INSR: variants seen among roughly 807,000 people sequenced by gnomAD.
The protein encoded by INSR is insulin receptor.
A neutral mutation model predicts 142.6 loss-of-function variants in INSR; 67 were observed. That is an observed-to-expected ratio of 0.47 (90% CI 0.39 to 0.58). The LOEUF (loss-of-function observed/expected upper bound fraction) is 0.58, where lower values mean the gene tolerates loss of function less well. INSR is among the 20% of genes least tolerant of loss of function. The probability of loss-of-function intolerance (pLI) is 0.00; values close to 1 mark genes in which losing one functional copy is unlikely to be tolerated. For missense variants in INSR, 1,248 were observed against 1,833.2 expected, an observed-to-expected ratio of 0.68 and a Z score of 5.83; for synonymous variants, 756 against 743.1, an observed-to-expected ratio of 1.02 and a Z score of -0.28.
At chr19:7,226,413 G>GAA (rs71177176) in intron 2 of INSR, among the ~76,000 whole-genome samples, 1 of 89,644 alleles carries the variant, frequency 1.1e-5, no homozygotes. Context: ...CGTCTCAAGG[G>GAA]AAAAAAAAAA....
intron 2 of INSR, among the ~76,000 whole-genome samples, chr19:7,186,658 C>A (rs1025967915): frequency 1.3e-5 from 2 of 152,116 alleles, no homozygotes; most frequent in African/African-American, 4.8e-5. Flanking sequence ...TCATCCTCCT[C>A]CCCAACTCCT....
intron 13 of INSR, among the ~76,000 whole-genome samples, chr19:7,135,053 A>AG (rs1192066640): frequency 8.3e-5 from 11 of 132,666 alleles, no homozygotes; most frequent in African/African-American, 2.8e-4. Flanking sequence ...TGGAACATTT[A>AG]GGAGGGGGGT....
At chr19:7,198,139 C>T (rs1355791302) in intron 2 of INSR, among the ~76,000 whole-genome samples, 1 of 151,894 alleles carries the variant, frequency 6.6e-6, no homozygotes, top group Admixed American at 6.6e-5. Flanking sequence ...AGCCGGAGGC[C>T]TCAGCGCAGC....
chr19:7,222,933 A>C (rs994800971), intron 2 of INSR, among the ~76,000 whole-genome samples: 1 of 152,184 alleles, frequency 6.6e-6, no homozygotes, highest in African/African-American at 2.4e-5. Context: ...CTGTAATGCC[A>C]GCACTTTGGG....
At chr19:7,218,246 G>T (rs557311691) in intron 2 of INSR, among the ~76,000 whole-genome samples, 4 of 152,072 alleles carry the variant, frequency 2.6e-5, no homozygotes, top group Admixed American at 6.6e-5. Flanking sequence ...GGTATCTAGT[G>T]GGGGGAGGCC....
intron 2 of INSR, among the ~76,000 whole-genome samples, chr19:7,213,243 C>T (rs1342334159): frequency 6.7e-6 from 1 of 149,500 alleles, no homozygotes; most frequent in Non-Finnish European, 1.5e-5. Context: ...ACTTGGCAGG[C>T]TGAGGCAGGA....
At chr19:7,213,256 A>G (rs1315304541) in intron 2 of INSR, among the ~76,000 whole-genome samples, 2 of 150,516 alleles carry the variant, frequency 1.3e-5, no homozygotes, top group African/African-American at 4.9e-5. Context: ...AGGCAGGAGA[A>G]TCGCTTGAAC....
intron 19 of INSR, 84 bp from the exon 20 acceptor site, chr19:7,120,833 A>C (rs1972473951): frequency 6.4e-7 from 1 of 1,562,298 alleles, no homozygotes; most frequent in Non-Finnish European, 8.7e-7. Flanking sequence ...CCTCTCACAG[A>C]GCCCTAAGAG....
chr19:7,164,396 T>C (rs1435509552), intron 8 of INSR, among the ~76,000 whole-genome samples: 1 of 151,906 alleles, frequency 6.6e-6, no homozygotes, highest in Non-Finnish European at 1.5e-5. Flanking sequence ...TACAAAAATA[T>C]AATTAGGCCG....
chr19:7,151,164 CTT>C (rs1491539074), intron 10 of INSR, among the ~76,000 whole-genome samples: 185 of 5,090 alleles, frequency 0.036, 5 homozygotes, highest in African/African-American at 0.055. Context: ...CTTTCTTTCT[CTT>C]TCTTTCTTTC....
At chr19:7,151,124 TTC>T (rs1973329056) in intron 10 of INSR, among the ~76,000 whole-genome samples, 2 of 140,460 alleles carry the variant, frequency 1.4e-5, no homozygotes, top group South Asian at 4.9e-4. Context: ...CCCCCTTCCT[TTC>T]TCTGTCCTTT....
At chr19:7,221,096 G>C (rs111273490) in intron 2 of INSR, among the ~76,000 whole-genome samples, 23 of 152,296 alleles carry the variant, frequency 1.5e-4, no homozygotes, top group African/African-American at 5.5e-4. Flanking sequence ...TCACCAGGCC[G>C]AGCGCAGTGG....
intron 1 of INSR, among the ~76,000 whole-genome samples, chr19:7,288,322 T>G (rs1968398199): frequency 6.6e-6 from 1 of 151,854 alleles, no homozygotes; most frequent in Non-Finnish European, 1.5e-5. Flanking sequence ...GCAACATAGC[T>G]AGACTCTGTC....
Position 7,293,853 on chromosome 19 carries a change from C to CGCGGCCACCGCCACCAGCAGG in INSR, c.38_39insCCTGCTGGTGGCGGTGGCCGC (p.Val16_Leu22dup), listed in dbSNP as rs1568243573. 2.1e-5 allele frequency: 26 copies of CGCGGCCACCGCCACCAGCAGG among 1,254,156 alleles called. No homozygotes were observed. Among genetic ancestry groups the CGCGGCCACCGCCACCAGCAGG allele is most frequent in the Non-Finnish European group, 2.6e-5 (26 of 1,006,086 alleles). 77.7% of individuals were successfully genotyped at this position (1,254,156 alleles called of 1,614,324 possible). A position where few individuals can be genotyped will look rare whatever the true frequency, so the allele number is the denominator to read the frequency against. On this transcript the variant is annotated inframe_insertion, in exon 1 of 22. Coordinates refer to ENST00000302850, the MANE Select transcript of INSR (RefSeq NM_000208.4). ...GCAGCGCGGCCACCGCCACCAGCAG[C>CGCGGCCACCGCCACCAGCAGG]GGCGCGGCCGCCGCCCCCCGCCGGC... is the stretch of plus-strand genomic sequence containing the variant.
chr19:7,251,417 C>G lies in INSR; in HGVS notation c.652+15928G>C, dbSNP rs564318456. On this transcript the variant is annotated intron_variant, in intron 2 of 21. Coordinates refer to ENST00000302850, the MANE Select transcript of INSR (RefSeq NM_000208.4). ...GACTACAGGCATGCACCACCATGCTCGGCTAATTTTTTATTTTATTTTTAG... is the reference window on the plus strand; with the variant it reads ...GACTACAGGCATGCACCACCATGCTGGGCTAATTTTTTATTTTATTTTTAG... Among the ~76,000 whole-genome samples, 3 of 151,954 alleles carry G rather than the reference C, an allele frequency of 2.0e-5. No homozygotes were observed. The South Asian group carries it at 6.2e-4, about 32-fold the overall frequency.
chr19:7,167,037 T>A (rs916123513), intron 7 of INSR, among the ~76,000 whole-genome samples: 1 of 152,190 alleles, frequency 6.6e-6, no homozygotes, highest in East Asian at 1.9e-4. Flanking sequence ...TTGTACTGGT[T>A]CAGCATCTCT....
Position 7,126,671 on chromosome 19 carries a change from C to T in INSR, c.2946-20G>A, listed in dbSNP as rs1399559507. On this transcript the variant is annotated intron_variant, in intron 15 of 21. Coordinates refer to ENST00000302850, the MANE Select transcript of INSR (RefSeq NM_000208.4). Reference sequence around the variant, plus strand: ...GGCTGCCTGGAGGAGGAAAACGAGGCACGTTAGCTTGAGATTCTCATGGGA... The same window carrying T: ...GGCTGCCTGGAGGAGGAAAACGAGGTACGTTAGCTTGAGATTCTCATGGGA... 6 of 1,557,874 alleles carry T rather than the reference C, an allele frequency of 3.9e-6. No individual in the cohort carries two copies. The highest frequency in any genetic ancestry group is 2.4e-5 in the East Asian group (1 of 41,968).
At chr19:7,169,888 A>G (rs1973974964) in intron 6 of INSR, among the ~76,000 whole-genome samples, 1 of 152,182 alleles carries the variant, frequency 6.6e-6, no homozygotes, top group South Asian at 2.1e-4. Flanking sequence ...ATCTGCCCTC[A>G]GTAAGAAAGC....
At chr19:7,249,706 T>A (rs35783032) in intron 2 of INSR, among the ~76,000 whole-genome samples, 17,131 of 152,008 alleles carry the variant, frequency 0.11, 1,322 homozygotes, top group Non-Finnish European at 0.17. Context: ...TAAAAAAAAA[T>A]TAGCGGCTGG....
Sources: allele counts gnomAD v4.1 joint callset (sites outside exome capture counted in the v4.1 genomes callset), GRCh38; gene constraint gnomAD v4.1.1; transcripts MANE v1.5; gene names NCBI Gene and HGNC (gene_info 2026-07-23, HGNC 2026-07-21).